The following PCDHGA3 variants were observed in gnomAD, a reference collection of about 807,000 sequenced individuals.
PCDHGA3 encodes the protein protocadherin gamma-A3.
A neutral mutation model predicts 58.5 loss-of-function variants in PCDHGA3; 40 were observed. The observed-to-expected ratio is 0.68, with a 90% CI of 0.53 to 0.89. The LOEUF is 0.89. Among genes scored for constraint, PCDHGA3 ranks in the 40% least tolerant of loss-of-function variants. The pLI is 0.00. For missense variants in PCDHGA3, 1,223 were observed against 1,195.9 expected (o/e 1.02, Z -0.33); for synonymous variants, 530 against 525.7 (o/e 1.01, Z -0.11).
intron 1 of PCDHGA3, chr5:141,428,075 A>G (rs1427780901): frequency 5.0e-6 from 8 of 1,609,154 alleles, no homozygotes; most frequent in Non-Finnish European, 4.2e-6. Context: ...CAGATTCGGG[A>G]CACAACGCTT....
chr5:141,384,221 AG>A, intron 1 of PCDHGA3: 1 of 1,613,936 alleles, frequency 6.2e-7, no homozygotes. Flanking sequence ...ATATTCATGC[AG>A]GTGGCAGACA....
At position 141,490,908 on chromosome 5, in the gene PCDHGA3, C is replaced by A; in HGVS notation, c.2425-3899C>A. On this transcript the variant is annotated intron_variant, in intron 1 of 3. Coordinates refer to ENST00000253812, the MANE Select transcript of PCDHGA3 (RefSeq NM_018916.4). The surrounding 1 kb of genome is among the most constrained non-coding windows in gnomAD (Gnocchi z 5.4). The stretch of plus-strand genomic sequence containing the variant: ...CATCTCTGCATGTGTTTGTCCTAGA[C>A]GAGAATGATAATGCCCCAGCTGTGC... The A allele has an allele frequency of 6.2e-7, 1 of 1,613,710 alleles. No homozygotes were observed. Among genetic ancestry groups the A allele is most frequent in the Non-Finnish European group, 8.5e-7 (1 of 1,179,754 alleles).
At position 141,500,184 on chromosome 5, in the gene PCDHGA3, TTTTATTTATTTATTTA is replaced by T. The variant is rs58019021; in HGVS notation, c.2484-5182_2484-5167del. Among the ~76,000 whole-genome samples the T allele has an allele frequency of 2.1e-3, 289 of 135,964 alleles. 1 individual carries two copies. Among genetic ancestry groups the T allele is most frequent in the Middle Eastern group, 0.016 (4 of 248 alleles). The allele number at this position is 135,964 out of a possible 152,430, so 89.2% of individuals were successfully genotyped here. A position where few individuals can be genotyped will look rare whatever the true frequency, so the allele number is the denominator to read the frequency against. On this transcript the variant is annotated intron_variant, in intron 2 of 3. Coordinates refer to ENST00000253812, the MANE Select transcript of PCDHGA3 (RefSeq NM_018916.4). ...GAACATGCATGAGCTTCATTTTTAT[TTTTATTTATTTATTTA>T]TTTATTTATTTATTTATTTATTTAT...
At chr5:141,475,840 A>G (rs1039073157) in intron 1 of PCDHGA3, 2 of 434,770 alleles carry the variant, frequency 4.6e-6, no homozygotes, top group Non-Finnish European at 8.2e-6. Context: ...TGTCCTGCTC[A>G]GAGAGCCCGG....
intron 1 of PCDHGA3, chr5:141,388,637 T>C (rs993746447): frequency 6.2e-7 from 1 of 1,613,880 alleles, no homozygotes; most frequent in Non-Finnish European, 8.5e-7. Flanking sequence ...GGGTGAGCCT[T>C]TCAGAAAACG....
intron 1 of PCDHGA3, chr5:141,352,811 A>G: frequency 3.6e-6 from 3 of 841,654 alleles, no homozygotes; most frequent in Non-Finnish European, 5.4e-6. Context: ...CCAAGATGGT[A>G]AAACCCGGTC....
intron 1 of PCDHGA3, chr5:141,365,023 G>C (rs775697621): frequency 6.8e-6 from 11 of 1,613,854 alleles, no homozygotes; most frequent in Non-Finnish European, 9.3e-6. Context: ...TCCGTGTTAC[G>C]GTCCTCGACG....
At chr5:141,409,153 G>A in intron 1 of PCDHGA3, 1 of 1,614,026 alleles carries the variant, frequency 6.2e-7, no homozygotes. Context: ...GGTACACCAT[G>A]GAAGTGGAAG....
intron 1 of PCDHGA3, chr5:141,405,510 C>T: frequency 1.4e-6 from 1 of 732,922 alleles, no homozygotes; most frequent in Non-Finnish European, 2.2e-6. Context: ...ACCTCCGCCT[C>T]CCAAATTCAA....
At chr5:141,425,110 C>T (rs1335909720) in intron 1 of PCDHGA3, among the ~76,000 whole-genome samples, 1 of 152,166 alleles carries the variant, frequency 6.6e-6, no homozygotes, top group East Asian at 1.9e-4. Context: ...CAGATGCCTA[C>T]ATTTTTCTTG....
chr5:141,348,400 C>T lies in PCDHGA3; in HGVS notation c.2424+1943C>T, dbSNP rs575477453. 4.0e-4 allele frequency among the ~76,000 whole-genome samples: 61 copies of T among 152,012 alleles called. No homozygotes were observed. The South Asian group carries it at 0.012, about 31-fold the overall frequency. On this transcript the variant is annotated intron_variant, in intron 1 of 3. Coordinates refer to ENST00000253812, the MANE Select transcript of PCDHGA3 (RefSeq NM_018916.4). The stretch of plus-strand genomic sequence containing the variant: ...CTTGGGCAACATAGCATGACCCTGT[C>T]TCAAAAGAAAAAGGCACGTAACTTT...
At position 141,432,724 on chromosome 5, in the gene PCDHGA3, C is replaced by T. The variant is rs752394602; in HGVS notation, c.2425-62083C>T. ...AGGACCACGGCCAGCCCCCTCTCTCCGCCACTGTCACGCTCACCGTGGCCG... is the reference window on the plus strand; with the variant it reads ...AGGACCACGGCCAGCCCCCTCTCTCTGCCACTGTCACGCTCACCGTGGCCG... On this transcript the variant is annotated intron_variant, in intron 1 of 3. Coordinates refer to ENST00000253812, the MANE Select transcript of PCDHGA3 (RefSeq NM_018916.4). The surrounding 1 kb of genome is among the most constrained non-coding windows in gnomAD (Gnocchi z 6.0). The T allele has an allele frequency of 8.1e-6, 13 of 1,614,066 alleles. No individual in the cohort carries two copies. Among genetic ancestry groups the T allele is most frequent in the Middle Eastern group, 1.6e-4 (1 of 6,062 alleles).
intron 1 of PCDHGA3, chr5:141,423,087 G>C (rs756067751): frequency 1.2e-6 from 2 of 1,613,936 alleles, no homozygotes; most frequent in African/African-American, 1.3e-5. Context: ...TCTTCGCGGT[G>C]GGGGAGCACA....
At position 141,485,480 on chromosome 5, in the gene PCDHGA3, A is replaced by G. The variant is rs535194185; in HGVS notation, c.2425-9327A>G. On this transcript the variant is annotated intron_variant, in intron 1 of 3. Transcript: ENST00000253812. The surrounding 1 kb of genome is among the most constrained non-coding windows in gnomAD (Gnocchi z 5.7). Reference sequence around the variant, plus strand: ...ACTGTGTGGGCTCAGTGCCAGCTGCATCGTGCCCCTGGAGTTTGTCACCGA... The same window carrying G: ...ACTGTGTGGGCTCAGTGCCAGCTGCGTCGTGCCCCTGGAGTTTGTCACCGA... The G allele has an allele frequency of 2.5e-6, 4 of 1,614,154 alleles. No individual in the cohort carries two copies. The South Asian group carries it at 3.3e-5, about 13-fold the overall frequency.
chr5:141,357,534 G>T (rs1412443239), intron 1 of PCDHGA3: 1 of 1,614,206 alleles, frequency 6.2e-7, no homozygotes, highest in Non-Finnish European at 8.5e-7. Context: ...ATGCAGACAC[G>T]CTCATCAGCC....
chr5:141,388,225 T>C, intron 1 of PCDHGA3: 1 of 1,604,858 alleles, frequency 6.2e-7, no homozygotes, highest in Non-Finnish European at 8.5e-7. Flanking sequence ...GAAAATCCAC[T>C]GAACTTTTAT....
chr5:141,409,948 A>G, intron 1 of PCDHGA3: 1 of 1,613,348 alleles, frequency 6.2e-7, no homozygotes, highest in South Asian at 1.1e-5. Context: ...CTCGCTCTGC[A>G]GAGCCCGGCT....
Position 141,486,282 on chromosome 5 carries a change from C to G in PCDHGA3, c.2425-8525C>G. On this transcript the variant is annotated intron_variant, in intron 1 of 3. Transcript: ENST00000253812. This position sits in a 1 kb window ranked among gnomAD's most constrained non-coding sequence, Gnocchi z 5.0. ...AGTGCAGAACCTGGCACTGTGGTGG[C>G]ACTTATCAGTGTGCAGGATCCAGAC... The G allele has an allele frequency of 1.2e-6, 2 of 1,614,052 alleles. No homozygotes were observed. The highest frequency in any genetic ancestry group is 1.7e-6 in the Non-Finnish European group (2 of 1,179,992).
intron 1 of PCDHGA3, chr5:141,415,782 T>C: frequency 7.4e-7 from 1 of 1,356,228 alleles, no homozygotes. Context: ...TACTTTCTGG[T>C]AAAATTCACC....
Sources: allele counts gnomAD v4.1 joint callset (sites outside exome capture counted in the v4.1 genomes callset), GRCh38; gene constraint gnomAD v4.1.1; non-coding constraint Gnocchi (gnomAD v3.1); transcripts MANE v1.5; gene names NCBI Gene and HGNC (gene_info 2026-07-23, HGNC 2026-07-21).